Variants in KIF1A observed in about 807,000 individuals in gnomAD.
KIF1A encodes kinesin-like protein KIF1A.
Under a neutral mutation model 227.3 loss-of-function variants are expected in KIF1A, and 46 were observed. The observed-to-expected ratio is 0.20, with a 90% confidence interval of 0.16 to 0.26. The LOEUF (loss-of-function observed/expected upper bound fraction) is 0.26, where lower values mean the gene tolerates loss of function less well. Ranked by LOEUF, KIF1A falls within the 10% of genes least tolerant of loss-of-function variation. The pLI is 1.00. For missense variants in KIF1A, 1,683 were observed against 2,485.9 expected, an observed-to-expected ratio of 0.68 and a Z score of 6.87; for synonymous variants, 1,022 against 1,012.8, an observed-to-expected ratio of 1.01 and a Z score of -0.17.
chr2:240,744,135 T>C, intron 32 of KIF1A, 75 bp from the exon 33 acceptor site: 1 of 1,021,632 alleles, frequency 9.8e-7, no homozygotes, highest in East Asian at 2.4e-5. Context: ...GTCACATCAG[T>C]GAGCTAAGCG....
chr2:240,783,521 G>A lies in KIF1A; in HGVS notation c.798+218C>T, dbSNP rs376102423. ...TCCTTGGGGCCCGAAAGAGGACACCGTCCCGCCAAACCCCTGACCTGTGTG... is the reference window on the plus strand; with the variant it reads ...TCCTTGGGGCCCGAAAGAGGACACCATCCCGCCAAACCCCTGACCTGTGTG... On this transcript the variant is annotated intron_variant, in intron 8 of 48. Transcript: ENST00000498729. Among the ~76,000 whole-genome samples the A allele has an allele frequency of 3.3e-5, 5 of 152,266 alleles. 1 individual carries two copies. The highest frequency in any genetic ancestry group is 6.5e-5 in the Admixed American group (1 of 15,308).
intron 45 of KIF1A, 35 bp from the exon 46 acceptor site, chr2:240,719,961 C>G (rs2045093875): frequency 6.4e-7 from 1 of 1,552,722 alleles, no homozygotes; most frequent in African/African-American, 1.4e-5. Context: ...CCACTGCAGG[C>G]CTCCCTGGGC....
chr2:240,795,816 G>A (rs2056321323), intron 2 of KIF1A, among the ~76,000 whole-genome samples: 1 of 152,186 alleles, frequency 6.6e-6, no homozygotes, highest in African/African-American at 2.4e-5. Context: ...TTTAGGGTCT[G>A]GCCTGAGGCT....
chr2:240,772,193 G>GC (rs2052097010), intron 14 of KIF1A, among the ~76,000 whole-genome samples: 1 of 152,210 alleles, frequency 6.6e-6, no homozygotes, highest in Non-Finnish European at 1.5e-5. Context: ...AGTCCCTCCA[G>GC]CCCTCCTGGC....
intron 38 of KIF1A, chr2:240,728,541 C>T (rs1476527653): frequency 1.9e-6 from 1 of 536,894 alleles, no homozygotes; most frequent in Non-Finnish European, 3.4e-6. Context: ...GATCTCACGG[C>T]CCCCAGGCTC....
At position 240,719,070 on chromosome 2, in the gene KIF1A, C is replaced by T. The variant is rs760970824; in HGVS notation, c.5150G>A (p.Arg1717Gln). Reference protein sequence around the residue: ...MYNSDKDTVERFVLNLATAQV... With the variant: ...MYNSDKDTVEQFVLNLATAQV... ...GGCAGTGGCCAGGTTGAGCACGAAC[C>T]GCTCCACGGTGTCCTTGTCGCTGTT... The change falls in exon 47 of 49, where the codon CGG becomes CAG. Residue 1717 changes from arginine to glutamine, a missense_variant. Physicochemically the swap from Arg to Gln is conservative, Grantham distance 43 (BLOSUM62 1). Transcript: ENST00000498729. 1.6e-5 allele frequency: 26 copies of T among 1,612,510 alleles called. No homozygotes were observed. Among genetic ancestry groups the T allele is most frequent in the South Asian group, 4.4e-5 (4 of 91,052 alleles).
intron 38 of KIF1A, among the ~76,000 whole-genome samples, chr2:240,730,927 C>T (rs1484694066): frequency 6.6e-6 from 1 of 152,224 alleles, no homozygotes; most frequent in Non-Finnish European, 1.5e-5. Flanking sequence ...GCCTCTCCAC[C>T]TCCAGCCTGA....
rs1350531893 is a variant in KIF1A at position 240,797,629 on chromosome 2, G to A, written c.106+18C>T. ...GCAACCCATGGCCGACCCCGATGCT[G>A]TGCAGGCTGATACTCACTGGTGGTG... On this transcript the variant is annotated intron_variant, in intron 2 of 48. Transcript: ENST00000498729. 3 of 1,568,614 alleles carry A rather than the reference G, an allele frequency of 1.9e-6. No homozygotes were observed. Among genetic ancestry groups the A allele is most frequent in the Admixed American group, 1.7e-5 (1 of 59,518 alleles).
rs1360266774 is a variant in KIF1A, at chr2:240,807,100, G to A, written c.-60-9288C>T. 2.3e-3 allele frequency among the ~76,000 whole-genome samples: 228 copies of A among 98,450 alleles called. 5 individuals carry two copies. The highest frequency in any genetic ancestry group is 9.8e-3 in the African/African-American group (212 of 21,724). The allele number at this position is 98,450 out of a possible 152,430, so 64.6% of individuals were successfully genotyped here. ...TATATGTGTGTGTGTGTGTGTGTGT[G>A]TGTGTGTGTGTGTGTGTGTGTGTGT... On this transcript the variant is annotated intron_variant, in intron 1 of 48. Coordinates refer to ENST00000498729, the MANE Select transcript of KIF1A (RefSeq NM_001244008.2).
rs1056433321 is a variant in KIF1A at position 240,739,185 on chromosome 2, G to A, written c.3901+873C>T. On this transcript the variant is annotated intron_variant, in intron 37 of 48. Transcript: ENST00000498729. The surrounding 1 kb of genome is among the most constrained non-coding windows in gnomAD (Gnocchi z 5.6). Reference sequence around the variant, plus strand: ...TCCAGCCTCAGGGAAGTGACCTTGAGCAGCCACCCAGCCCGGCCATGGCAA... The same window carrying A: ...TCCAGCCTCAGGGAAGTGACCTTGAACAGCCACCCAGCCCGGCCATGGCAA... Among the ~76,000 whole-genome samples, 2 of 152,238 alleles carry A rather than the reference G, an allele frequency of 1.3e-5. No individual in the cohort carries two copies. Among genetic ancestry groups the A allele is most frequent in the Non-Finnish European group, 2.9e-5 (2 of 68,040 alleles).
chr2:240,750,696 A>G, intron 27 of KIF1A, 149 bp from the exon 28 acceptor site: 1 of 639,102 alleles, frequency 1.6e-6, no homozygotes, highest in Non-Finnish European at 2.8e-6. Flanking sequence ...CCAGGACAGC[A>G]AGAGCGGGCG....
chr2:240,794,955 G>A (rs2056201033), intron 2 of KIF1A, among the ~76,000 whole-genome samples: 1 of 152,210 alleles, frequency 6.6e-6, no homozygotes, highest in South Asian at 2.1e-4. Context: ...TGTCCTGGAG[G>A]AAATGCCCTG....
chr2:240,812,477 G>A (rs866812803), intron 1 of KIF1A, among the ~76,000 whole-genome samples: 46 of 151,606 alleles, frequency 3.0e-4, no homozygotes, highest in African/African-American at 1.1e-3. Flanking sequence ...TCAGGGGCCC[G>A]CCTTTACCTC....
chr2:240,779,951 C>T (rs189223406), intron 10 of KIF1A, among the ~76,000 whole-genome samples: 211 of 152,278 alleles, frequency 1.4e-3, no homozygotes, highest in African/African-American at 3.6e-3. Flanking sequence ...CTCTCCACAG[C>T]ATTCCACACA....
rs1269615254 is a variant in KIF1A at position 240,719,799 on chromosome 2, G to A, written c.4996C>T (p.Pro1666Ser). ...TDKEPQRLLV[P>S]DIQEIRVSPI... is the part of the protein sequence containing the mutation. Reference sequence around the variant, plus strand: ...CTGACTCGGATCTCCTGGATGTCAGGGACCAGCAGGCGCTGGGGCTCCTTG... The same window carrying A: ...CTGACTCGGATCTCCTGGATGTCAGAGACCAGCAGGCGCTGGGGCTCCTTG... Residue 1666 changes from proline to serine, a missense_variant, in exon 46 of 49, where the codon CCT becomes TCT. Around this residue, in one of 12 missense-constraint regions of KIF1A, gnomAD observed 384 missense variants for 410.1 expected, o/e 0.94. Transcript: ENST00000498729. 3 of 1,600,334 alleles carry A rather than the reference G, an allele frequency of 1.9e-6. No homozygotes were observed. Among genetic ancestry groups the A allele is most frequent in the Non-Finnish European group, 2.6e-6 (3 of 1,173,240 alleles).
At chr2:240,795,242 C>G (rs369659159) in intron 2 of KIF1A, among the ~76,000 whole-genome samples, 1 of 152,154 alleles carries the variant, frequency 6.6e-6, no homozygotes, top group South Asian at 2.1e-4. Context: ...GGAGCAGAGG[C>G]TGCTGGCACA....
Position 240,778,169 on chromosome 2 carries a change from G to A in KIF1A, c.883-2243C>T, listed in dbSNP as rs1004932526. On this transcript the variant is annotated intron_variant, in intron 10 of 48. Coordinates refer to ENST00000498729, the MANE Select transcript of KIF1A (RefSeq NM_001244008.2). The surrounding 1 kb of genome is among the most constrained non-coding windows in gnomAD (Gnocchi z 7.2). Reference sequence around the variant, plus strand: ...AGGAAAACGGCAGTCACTCGAATGCGGACCCCACCCACGGGATGGCTGCCG... The same window carrying A: ...AGGAAAACGGCAGTCACTCGAATGCAGACCCCACCCACGGGATGGCTGCCG... 5.3e-5 allele frequency among the ~76,000 whole-genome samples: 8 copies of A among 151,950 alleles called. No individual in the cohort carries two copies. The highest frequency in any genetic ancestry group is 6.6e-5 in the Admixed American group (1 of 15,248).
At chr2:240,761,904 T>G (rs149045044) in intron 23 of KIF1A, among the ~76,000 whole-genome samples, 2,011 of 152,034 alleles carry the variant, frequency 0.013, 46 homozygotes, top group African/African-American at 0.046. Context: ...GGCCAGGTGC[T>G]CCCAGGTGGC....
chr2:240,770,600 G>A (rs147443409), intron 15 of KIF1A, among the ~76,000 whole-genome samples: 233 of 152,304 alleles, frequency 1.5e-3, no homozygotes, highest in Middle Eastern at 3.4e-3. Flanking sequence ...TTAAAGACTC[G>A]ACAGGAAGAG....
Sources: allele counts gnomAD v4.1 joint callset (sites outside exome capture counted in the v4.1 genomes callset), GRCh38; gene constraint gnomAD v4.1.1; regional missense constraint gnomAD v4.1.1; non-coding constraint Gnocchi (gnomAD v3.1); transcripts MANE v1.5; gene names NCBI Gene and HGNC (gene_info 2026-07-23, HGNC 2026-07-21).